RGS22: variants seen among roughly 807,000 people sequenced by gnomAD.
RGS22 encodes the protein regulator of G-protein signaling 22.
A neutral mutation model predicts 172.9 loss-of-function variants in RGS22; 148 were observed. The ratio of observed to expected loss-of-function variants is 0.86; its 90% CI spans 0.75 to 0.98. The LOEUF (loss-of-function observed/expected upper bound fraction) is 0.98, where lower values mean the gene tolerates loss of function less well. Ranked by LOEUF, RGS22 falls within the 50% of genes least tolerant of loss-of-function variation. RGS22 has a pLI of 0.00. For synonymous variants in RGS22, 458 were observed against 480.2 expected (o/e 0.95, Z 0.60); for missense variants, 1,347 against 1,440.8 (o/e 0.93, Z 1.05).
chr8:100,023,317 A>AG (rs1239808950), intron 14 of RGS22, among the ~76,000 whole-genome samples: 1 of 152,224 alleles, frequency 6.6e-6, no homozygotes, highest in Non-Finnish European at 1.5e-5. Context: ...AGGAGCAGAC[A>AG]GCTTAGGACA....
intron 2 of RGS22, among the ~76,000 whole-genome samples, chr8:100,096,652 C>T (rs1268184284): frequency 1.4e-5 from 2 of 146,424 alleles, no homozygotes; most frequent in East Asian, 2.0e-4. Context: ...CACTTAGGCG[C>T]TTAGCTAATT....
At chr8:99,983,304 C>T (rs1056295877) in intron 21 of RGS22, among the ~76,000 whole-genome samples, 3 of 152,040 alleles carry the variant, frequency 2.0e-5, no homozygotes, top group African/African-American at 7.2e-5. Context: ...ATTTATTCTC[C>T]TTGGGGTATA....
intron 14 of RGS22, among the ~76,000 whole-genome samples, chr8:100,016,173 T>C (rs532862852): frequency 6.6e-6 from 1 of 152,302 alleles, no homozygotes; most frequent in South Asian, 2.1e-4. Flanking sequence ...AACAGACATT[T>C]GTCTAATTCT....
At chr8:99,979,160 C>T (rs1812281962) in intron 22 of RGS22, among the ~76,000 whole-genome samples, 1 of 152,166 alleles carries the variant, frequency 6.6e-6, no homozygotes, top group South Asian at 2.1e-4. Context: ...AAGTAATCCC[C>T]TGTTCCAATG....
intron 20 of RGS22, among the ~76,000 whole-genome samples, chr8:99,995,149 A>G (rs1393750942): frequency 1.3e-5 from 2 of 152,206 alleles, no homozygotes; most frequent in Non-Finnish European, 2.9e-5. Context: ...GTTAGACCTA[A>G]AACCATAAAA....
intron 16 of RGS22, 107 bp from the exon 17 acceptor site, chr8:100,004,205 T>G: frequency 1.5e-6 from 2 of 1,338,022 alleles, no homozygotes; most frequent in Non-Finnish European, 1.9e-6. Context: ...CAAAGCCATT[T>G]AATAATTCAA....
intron 20 of RGS22, among the ~76,000 whole-genome samples, chr8:99,989,450 A>G (rs1813445137): frequency 6.6e-6 from 1 of 152,152 alleles, no homozygotes; most frequent in Admixed American, 6.5e-5. Context: ...TTCTATTTCA[A>G]TTTGATTTGA....
chr8:99,993,852 T>C (rs1479292173), intron 20 of RGS22, among the ~76,000 whole-genome samples: 1 of 152,130 alleles, frequency 6.6e-6, no homozygotes, highest in Non-Finnish European at 1.5e-5. Context: ...CAAACATCGA[T>C]GCGAAAATCC....
intron 14 of RGS22, among the ~76,000 whole-genome samples, chr8:100,010,658 C>G (rs770440776): frequency 2.6e-5 from 4 of 152,128 alleles, no homozygotes; most frequent in Non-Finnish European, 4.4e-5. Context: ...AGCTTATTCA[C>G]TGGTGTATCT....
At chr8:100,013,206 G>A (rs149333708) in intron 14 of RGS22, among the ~76,000 whole-genome samples, 5,193 of 152,078 alleles carry the variant, frequency 0.034, 133 homozygotes, top group South Asian at 0.097. Flanking sequence ...AGCCAGGATG[G>A]TCTCAAAATC....
At chr8:100,059,139 C>T (rs1186353059) in intron 9 of RGS22, among the ~76,000 whole-genome samples, 2 of 151,702 alleles carry the variant, frequency 1.3e-5, no homozygotes, top group Non-Finnish European at 2.9e-5. Flanking sequence ...AAAAAACATA[C>T]AATGGATACA....
intron 6 of RGS22, among the ~76,000 whole-genome samples, chr8:100,066,762 T>C (rs1020335651): frequency 1.3e-5 from 2 of 152,170 alleles, no homozygotes; most frequent in African/African-American, 4.8e-5. Context: ...GAGACACTAT[T>C]CTTAGTGCCA....
At chr8:100,070,563 G>A (rs1284226349) in intron 6 of RGS22, among the ~76,000 whole-genome samples, 1 of 152,050 alleles carries the variant, frequency 6.6e-6, no homozygotes, top group African/African-American at 2.4e-5. Context: ...TGTTTTCCTG[G>A]GTTTTGGGTA....
intron 1 of RGS22, 65 bp from the exon 2 acceptor site, chr8:100,105,467 A>C (rs1387759646): frequency 7.3e-7 from 1 of 1,366,476 alleles, no homozygotes; most frequent in Non-Finnish European, 1.0e-6. Context: ...AAATGAAATC[A>C]TGGGAGACAG....
At position 100,052,921 on chromosome 8, in the gene RGS22, G is replaced by A; in HGVS notation, c.1570C>T (p.Leu524=). The part of the protein sequence containing the change: ...SASTKYASAE[L]KFWHLRQAKP... The stretch of plus-strand genomic sequence containing the variant: ...GCTTGACGGAGGTGCCAGAATTTCA[G>A]TTCAGCACTAGCATATTTTGTTGAG... Residue 524 remains leucine (L), a synonymous_variant, in exon 10 of 28, where the codon CTG becomes TTG. Transcript: ENST00000360863. 1 of 1,614,030 alleles carries A rather than the reference G, an allele frequency of 6.2e-7. No homozygotes were observed. The highest frequency in any genetic ancestry group is 8.5e-7 in the Non-Finnish European group (1 of 1,179,962).
chr8:100,079,190 C>T (rs1253952616), intron 4 of RGS22, among the ~76,000 whole-genome samples: 2 of 152,086 alleles, frequency 1.3e-5, no homozygotes, highest in South Asian at 2.1e-4. Flanking sequence ...AAACATTGTC[C>T]CACCTAGTAA....
At chr8:100,010,335 A>G (rs1382369582) in intron 14 of RGS22, among the ~76,000 whole-genome samples, 1 of 151,992 alleles carries the variant, frequency 6.6e-6, no homozygotes, top group Non-Finnish European at 1.5e-5. Context: ...AAAATACACA[A>G]ATTAGCTGGG....
In RGS22 at chr8:100,063,571, G is replaced by C; in HGVS notation, c.1197C>G (p.Asp399Glu). 6.2e-7 allele frequency: 1 copy of C among 1,613,936 alleles called. No homozygotes were observed. Among genetic ancestry groups the C allele is most frequent in the South Asian group, 1.1e-5 (1 of 91,078 alleles). Residue 399 changes from aspartate (D) to glutamate (E), a missense_variant, in exon 8 of 28, where the codon GAC becomes GAG. Coordinates refer to ENST00000360863, the MANE Select transcript of RGS22 (RefSeq NM_015668.5). ...NESAGPESRA[D>E]WCISHRTYDI... ...CATAAGTCCTATGAGAAATACACCAGTCCGCCCTGCTCTCTGGTCCAGCGC... is the reference window on the plus strand; with the variant it reads ...CATAAGTCCTATGAGAAATACACCACTCCGCCCTGCTCTCTGGTCCAGCGC...
At chr8:99,974,540 C>T (rs763318029) in intron 23 of RGS22, among the ~76,000 whole-genome samples, 1 of 152,146 alleles carries the variant, frequency 6.6e-6, no homozygotes, top group Admixed American at 6.5e-5. Context: ...TGGCTCATGC[C>T]TGTAATCACA....
Sources: allele counts gnomAD v4.1 joint callset (sites outside exome capture counted in the v4.1 genomes callset), GRCh38; gene constraint gnomAD v4.1.1; transcripts MANE v1.5; gene names NCBI Gene and HGNC (gene_info 2026-07-23, HGNC 2026-07-21).